NOC2L: variants seen among roughly 807,000 people sequenced by gnomAD.
NOC2L encodes nucleolar complex protein 2 homolog.
A neutral mutation model predicts 94.2 loss-of-function variants in NOC2L; 101 were observed. That is an observed-to-expected ratio of 1.07 (90% CI 0.91 to 1.26). NOC2L has a LOEUF of 1.26. Among genes scored for constraint, NOC2L ranks in the 50% most tolerant of loss-of-function variants. NOC2L has a pLI of 0.00. For missense variants in NOC2L, 1,076 were observed against 980.1 expected (o/e 1.10, Z -1.31); for synonymous variants, 531 against 413.4 (o/e 1.28, Z -3.45).
Position 958,973 on chromosome 1 carries a change from C to T in NOC2L, c.135G>A (p.Glu45=), listed in dbSNP as rs748308604. 6.2e-7 allele frequency: 1 copy of T among 1,612,790 alleles called. No homozygotes were observed. Among genetic ancestry groups the T allele is most frequent in the South Asian group, 1.1e-5 (1 of 91,086 alleles). The change falls in exon 2 of 19, where the codon GAG becomes GAA. Residue 45 remains glutamate, a synonymous_variant. Coordinates refer to ENST00000327044, the MANE Select transcript of NOC2L (RefSeq NM_015658.4). ...CCGGCTTATCCGGACTCCGGGCAGC[C>T]TCGCGTGCTTCCCGTGTCTCCGCTT... ...SPQAETREAR[E]AARSPDKPGG...
In NOC2L at chr1:944,412, G is replaced by A. The variant is rs1045194992; in HGVS notation, c.*282C>T. On this transcript the variant is annotated 3_prime_UTR_variant, in exon 19 of 19. Transcript: ENST00000327044. The stretch of plus-strand genomic sequence containing the variant: ...GCCAGGGGCCTGCAGGCCTCCCCCT[G>A]GAACTGGGACTGGTCTCGGTCTGCT... 4.4e-6 allele frequency: 5 copies of A among 1,145,504 alleles called. No individual in the cohort carries two copies. The Admixed American group carries it at 2.2e-4, about 50-fold the overall frequency. The allele number at this position is 1,145,504 out of a possible 1,614,324, so 71.0% of individuals were successfully genotyped here.
In NOC2L at chr1:951,250, AAGGCCGAGTGAGCAG is replaced by A; in HGVS notation, c.1332-27_1332-13del. 6.4e-7 allele frequency: 1 copy of A among 1,560,342 alleles called. No homozygotes were observed. The highest frequency in any genetic ancestry group is 8.7e-7 in the Non-Finnish European group (1 of 1,150,684). On this transcript the variant is annotated splice_polypyrimidine_tract_variant and intron_variant, in intron 11 of 18. Coordinates refer to ENST00000327044, the MANE Select transcript of NOC2L (RefSeq NM_015658.4). ...CAGTGGGGATGAGCCTGGGGGTGGGAAGGCCGAGTGAGCAGAGGCCCCGGCTCTGGCAGCCCCTGC... is the reference window on the plus strand; with the variant it reads ...CAGTGGGGATGAGCCTGGGGGTGGGAAGGCCCCGGCTCTGGCAGCCCCTGC...
chr1:946,325 G>A (rs751774205), intron 15 of NOC2L, 39 bp from the exon 16 acceptor site: 2 of 1,611,528 alleles, frequency 1.2e-6, no homozygotes, highest in South Asian at 1.1e-5. Context: ...GCCTCACCCT[G>A]GGCAAACCCC....
rs780044447 is a variant in NOC2L, at chr1:958,790, GTAAGT to G, written c.179+134_179+138del. ...AGCTCAGTAAACATCGGATGAAAGA[GTAAGT>G]TAAGCTGAAAGGACTGGGGGGCAGA... On this transcript the variant is annotated intron_variant, in intron 2 of 18. Transcript: ENST00000327044. 8.3e-6 allele frequency: 7 copies of G among 846,710 alleles called. No individual in the cohort carries two copies. In the African/African-American group the frequency reaches 1.0e-4, roughly 12 times the overall value. 52.4% of individuals were successfully genotyped at this position (846,710 alleles called of 1,614,324 possible).
At chr1:945,203 G>A (rs1642067249) in intron 17 of NOC2L, 57 bp from the exon 18 acceptor site, 3 of 1,541,988 alleles carry the variant, frequency 1.9e-6, no homozygotes, top group Non-Finnish European at 2.6e-6. Context: ...CACCAGCAAA[G>A]TCACAGTGGG....
intron 4 of NOC2L, among the ~76,000 whole-genome samples, chr1:956,523 G>A (rs1224085257): frequency 6.6e-6 from 1 of 152,098 alleles, no homozygotes; most frequent in Non-Finnish European, 1.5e-5. Context: ...AACACTGTGA[G>A]AGGCTCAGAA....
At position 945,208 on chromosome 1, in the gene NOC2L, A is replaced by G. The variant is rs1057392250; in HGVS notation, c.2054-62T>C. 1.6e-5 allele frequency: 24 copies of G among 1,537,302 alleles called. No homozygotes were observed. In the African/African-American group the frequency reaches 3.2e-4, roughly 20 times the overall value. On this transcript the variant is annotated intron_variant, in intron 17 of 18. Coordinates refer to ENST00000327044, the MANE Select transcript of NOC2L (RefSeq NM_015658.4). ...CCACAGGGTCCACCAGCAAAGTCACAGTGGGGGCAGGAGGGTGGCCAGGCT... is the reference window on the plus strand; with the variant it reads ...CCACAGGGTCCACCAGCAAAGTCACGGTGGGGGCAGGAGGGTGGCCAGGCT...
chr1:957,247 T>C lies in NOC2L; in HGVS notation c.206A>G (p.His69Arg), dbSNP rs376536035. The C allele has an allele frequency of 1.2e-6, 2 of 1,613,702 alleles. No homozygotes were observed. The highest frequency in any genetic ancestry group is 1.7e-6 in the Non-Finnish European group (2 of 1,180,038). The change falls in exon 3 of 19, where the codon CAC (histidine) becomes CGC (arginine). Residue 69 changes from histidine to arginine, a missense_variant. His to Arg is a conservative substitution (Grantham distance 29, BLOSUM62 0). This residue lies in a region of NOC2L where 457 missense variants were observed against 386.0 expected (regional missense o/e 1.18). Coordinates refer to ENST00000327044, the MANE Select transcript of NOC2L (RefSeq NM_015658.4). ...ASRRKGRASE[H>R]KDQLSRLKDR... ...CTTCAGCCGAGAGAGCTGGTCTTTGTGCTCAGAGGCACGGCCTTTACGCCG... is the reference window on the plus strand; with the variant it reads ...CTTCAGCCGAGAGAGCTGGTCTTTGCGCTCAGAGGCACGGCCTTTACGCCG...
At chr1:945,805 G>T in intron 16 of NOC2L, 152 bp from the exon 17 acceptor site, 1 of 989,560 alleles carries the variant, frequency 1.0e-6, no homozygotes, top group Non-Finnish European at 1.5e-6. Flanking sequence ...CCTCCAAGTT[G>T]TCCATCCCAT....
Position 944,512 on chromosome 1 carries a change from C to T in NOC2L, c.*182G>A, listed in dbSNP as rs1455059711. 4.8e-6 allele frequency: 3 copies of T among 621,732 alleles called. No individual in the cohort carries two copies. Among genetic ancestry groups the T allele is most frequent in the South Asian group, 4.1e-5 (2 of 48,772 alleles). The allele number at this position is 621,732 out of a possible 1,614,324, so 38.5% of individuals were successfully genotyped here. A position where few individuals can be genotyped will look rare whatever the true frequency, so the allele number is the denominator to read the frequency against. On this transcript the variant is annotated 3_prime_UTR_variant, in exon 19 of 19. Transcript: ENST00000327044. ...GTGGGGCTTCAGCAGCCACACCAGC[C>T]CAGCCCAGCCCAGCTCTCGATACGT...
intron 4 of NOC2L, among the ~76,000 whole-genome samples, chr1:956,535 G>A (rs1186831996): frequency 3.3e-5 from 5 of 152,104 alleles, no homozygotes; most frequent in African/African-American, 1.2e-4. Flanking sequence ...GGCTCAGAAG[G>A]ACCCCAGCTC....
chr1:954,967 C>T (rs1033309703), intron 6 of NOC2L, among the ~76,000 whole-genome samples: 2 of 152,270 alleles, frequency 1.3e-5, no homozygotes, highest in East Asian at 3.8e-4. Context: ...CCCCCGTCCT[C>T]GACCCTCCTC....
chr1:948,809 C>G (rs1269304143), intron 12 of NOC2L, among the ~76,000 whole-genome samples: 1 of 146,136 alleles, frequency 6.8e-6, no homozygotes, highest in Non-Finnish European at 1.5e-5. Context: ...TGGCCCCACA[C>G]AGCCTGGCGT....
chr1:958,658 G>A (rs867700978), intron 2 of NOC2L: 28 of 660,312 alleles, frequency 4.2e-5, no homozygotes, highest in Admixed American at 1.4e-4. Context: ...AACTGCAGGC[G>A]GTGATTTCAC....
At chr1:947,367 GCCGTGTGTGAGTACACACAC>G (rs1334786600) in intron 14 of NOC2L, among the ~76,000 whole-genome samples, 2 of 152,200 alleles carry the variant, frequency 1.3e-5, no homozygotes, top group Non-Finnish European at 2.9e-5. Flanking sequence ...GACATGTGTG[GCCGTGTGTGAGTACACACAC>G]ATGCACACAC....
chr1:957,349 T>G, intron 2 of NOC2L, 76 bp from the exon 3 acceptor site: 1 of 1,431,110 alleles, frequency 7.0e-7, no homozygotes, highest in Non-Finnish European at 9.6e-7. Context: ...AGGGTCAGTC[T>G]ACTCCCTTCA....
chr1:957,825 AT>A (rs1222578791), intron 2 of NOC2L: 1 of 159,416 alleles, frequency 6.3e-6, no homozygotes, highest in Non-Finnish European at 1.4e-5. Context: ...AGGCAATCTT[AT>A]GACGGTCTAC....
chr1:957,664 C>T (rs1352460533), intron 2 of NOC2L: 1 of 209,070 alleles, frequency 4.8e-6, no homozygotes, highest in Admixed American at 5.2e-5. Context: ...GTCATCAGAT[C>T]TCATCAGCAA....
At chr1:955,881 C>T (rs966698987) in intron 6 of NOC2L, 42 bp downstream of exon 6, 9 of 1,523,950 alleles carry the variant, frequency 5.9e-6, no homozygotes, top group African/African-American at 1.4e-5. Flanking sequence ...GTGGTCCCGA[C>T]CCACCTTCCA....
Sources: allele counts gnomAD v4.1 joint callset (sites outside exome capture counted in the v4.1 genomes callset), GRCh38; gene constraint gnomAD v4.1.1; regional missense constraint gnomAD v4.1.1; transcripts MANE v1.5; gene names NCBI Gene and HGNC (gene_info 2026-07-23, HGNC 2026-07-21).